LPCAT3: variants seen among roughly 807,000 people sequenced by gnomAD.
LPCAT3 encodes lysophosphatidylcholine acyltransferase 3.
Under a neutral mutation model 63.4 loss-of-function variants are expected in LPCAT3, and 21 were observed. That is an observed-to-expected ratio of 0.33 (90% CI 0.23 to 0.48). The LOEUF (loss-of-function observed/expected upper bound fraction) is 0.48. Ranked by LOEUF, LPCAT3 falls within the 20% of genes least tolerant of loss-of-function variation. The probability of loss-of-function intolerance (pLI) is 0.99; values close to 1 mark genes in which losing one functional copy is unlikely to be tolerated. For missense variants in LPCAT3, 451 were observed against 590.6 expected, an observed-to-expected ratio of 0.76 and a Z score of 2.45; for synonymous variants, 242 against 227.5, an observed-to-expected ratio of 1.06 and a Z score of -0.58.
intron 1 of LPCAT3, among the ~76,000 whole-genome samples, chr12:6,985,994 C>T (rs1171976509): frequency 2.0e-5 from 3 of 152,038 alleles, no homozygotes; most frequent in Non-Finnish European, 2.9e-5. Context: ...AGGCTGGTCT[C>T]GAACTCCTGA....
At chr12:7,002,306 A>G (rs1341405511) in intron 1 of LPCAT3, among the ~76,000 whole-genome samples, 1 of 152,204 alleles carries the variant, frequency 6.6e-6, no homozygotes, top group Non-Finnish European at 1.5e-5. Context: ...TCCAACCAGT[A>G]TGTGGTAACC....
intron 7 of LPCAT3, 172 bp downstream of exon 7, chr12:6,979,299 G>A: frequency 4.8e-6 from 3 of 620,604 alleles, no homozygotes; most frequent in Non-Finnish European, 8.6e-6. Flanking sequence ...TTCAGTGCTG[G>A]CTGATGAACA....
At chr12:7,007,414 G>A (rs143743046) in intron 1 of LPCAT3, among the ~76,000 whole-genome samples, 30 of 151,556 alleles carry the variant, frequency 2.0e-4, no homozygotes, top group Non-Finnish European at 2.8e-4. Context: ...AAGCAGATAT[G>A]ACCGTGTACA....
intron 1 of LPCAT3, among the ~76,000 whole-genome samples, chr12:7,013,819 G>A (rs145521880): frequency 2.9e-4 from 44 of 152,252 alleles, no homozygotes; most frequent in Non-Finnish European, 3.5e-4. Flanking sequence ...AATCACCCCA[G>A]GCTGTATTAT....
At position 6,983,552 on chromosome 12, in the gene LPCAT3, A is replaced by G; in HGVS notation, c.152-13T>C. On this transcript the variant is annotated splice_polypyrimidine_tract_variant and intron_variant, in intron 1 of 12. Coordinates refer to ENST00000261407, the MANE Select transcript of LPCAT3 (RefSeq NM_005768.6). ...GCAAAGGGGTAACCTAGATGGGGGAAAAGATAAGAAGAGTGTTATTTGTGC... is the reference window on the plus strand; with the variant it reads ...GCAAAGGGGTAACCTAGATGGGGGAGAAGATAAGAAGAGTGTTATTTGTGC... 6.5e-7 allele frequency: 1 copy of G among 1,528,348 alleles called. No homozygotes were observed. Among genetic ancestry groups the G allele is most frequent in the Non-Finnish European group, 9.1e-7 (1 of 1,103,190 alleles). 94.7% of individuals were successfully genotyped at this position (1,528,348 alleles called of 1,614,324 possible). A position where few individuals can be genotyped will look rare whatever the true frequency, so the allele number is the denominator to read the frequency against.
intron 3 of LPCAT3, among the ~76,000 whole-genome samples, chr12:6,982,369 TG>T (rs1292486099): frequency 6.6e-6 from 1 of 152,154 alleles, no homozygotes; most frequent in Non-Finnish European, 1.5e-5. Flanking sequence ...CATTCTAAGT[TG>T]CTTTTCTGTC....
At chr12:6,990,920 A>C (rs2138342965) in intron 1 of LPCAT3, among the ~76,000 whole-genome samples, 1 of 151,098 alleles carries the variant, frequency 6.6e-6, no homozygotes, top group Middle Eastern at 3.4e-3. Context: ...CCAAATCAAA[A>C]AAAAAAAAAA....
rs1946543240 is a variant in LPCAT3 at position 6,987,802 on chromosome 12, CCA to C, written c.152-4265_152-4264del. The C allele has an allele frequency of 2.0e-5, 8 of 400,572 alleles. No homozygotes were observed. The South Asian group carries it at 8.8e-4, about 44-fold the overall frequency. The allele number at this position is 400,572 out of a possible 1,614,324, so 24.8% of individuals were successfully genotyped here. A position where few individuals can be genotyped will look rare whatever the true frequency, so the allele number is the denominator to read the frequency against. ...TCTAGGTGTCTGGATCGTATCTATT[CCA>C]GAGTAAAGTCATGATGGCTTTATGA... On this transcript the variant is annotated intron_variant, in intron 1 of 12. Transcript: ENST00000261407. This position sits in a 1 kb window ranked among gnomAD's most constrained non-coding sequence, Gnocchi z 4.1.
intron 1 of LPCAT3, among the ~76,000 whole-genome samples, chr12:6,989,044 A>G (rs1429418896): frequency 2.0e-5 from 3 of 150,696 alleles, no homozygotes; most frequent in Admixed American, 6.6e-5. Context: ...AATTGCTTGA[A>G]CCTGGGAGGT....
chr12:6,981,420 C>A (rs1946469881), intron 5 of LPCAT3, 175 bp downstream of exon 5: 2 of 750,876 alleles, frequency 2.7e-6, no homozygotes, highest in Admixed American at 2.3e-5. Context: ...AGAGCTGGAT[C>A]CTGGGCAAAT....
chr12:6,978,074 G>C (rs1055255470), intron 9 of LPCAT3: 4 of 564,630 alleles, frequency 7.1e-6, no homozygotes, highest in African/African-American at 3.8e-5. Flanking sequence ...TTGATAAACA[G>C]GGCAGTGGAG....
intron 1 of LPCAT3, among the ~76,000 whole-genome samples, chr12:6,999,604 C>T (rs1339839813): frequency 2.0e-5 from 3 of 152,262 alleles, no homozygotes; most frequent in South Asian, 2.1e-4. Context: ...GTGAAACCTG[C>T]TGCAATAACT....
At chr12:6,980,751 TG>T in intron 6 of LPCAT3, 1 of 331,788 alleles carries the variant, frequency 3.0e-6, no homozygotes, top group Non-Finnish European at 5.4e-6. Context: ...GGCAGAAATG[TG>T]ACTGGTTCAG....
At chr12:7,014,892 CAAA>C (rs375839002) in intron 1 of LPCAT3, among the ~76,000 whole-genome samples, 5 of 57,598 alleles carry the variant, frequency 8.7e-5, no homozygotes, top group East Asian at 5.5e-4. Context: ...GACTCCGTCT[CAAA>C]AAAAAAAAAA....
At position 6,982,872 on chromosome 12, in the gene LPCAT3, G is replaced by A. The variant is rs782817482; in HGVS notation, c.260-90C>T. ...ACAACGTAATATATAAAGAAAAAAT[G>A]TTGGCATCAGGATCTTTTTTTTCAG... On this transcript the variant is annotated intron_variant, in intron 2 of 12. Coordinates refer to ENST00000261407, the MANE Select transcript of LPCAT3 (RefSeq NM_005768.6). The A allele has an allele frequency of 4.1e-5, 32 of 787,736 alleles. No homozygotes were observed. In the African/African-American group the frequency reaches 4.9e-4, roughly 12 times the overall value. 48.8% of individuals were successfully genotyped at this position (787,736 alleles called of 1,614,324 possible).
At chr12:6,999,728 C>T (rs7973057) in intron 1 of LPCAT3, among the ~76,000 whole-genome samples, 35 of 152,300 alleles carry the variant, frequency 2.3e-4, no homozygotes, top group African/African-American at 8.2e-4. Context: ...CACTTTAAGA[C>T]ATCTAAATGG....
At chr12:6,978,310 C>G in intron 9 of LPCAT3, 31 bp downstream of exon 9, 7 of 1,583,384 alleles carry the variant, frequency 4.4e-6, no homozygotes, top group Non-Finnish European at 6.0e-6. Context: ...AAGGAAGGAA[C>G]CAGGGTCCAG....
rs1555154419 is a variant in LPCAT3 at position 6,983,545 on chromosome 12, T to C, written c.152-6A>G. The C allele has an allele frequency of 6.4e-7, 1 of 1,560,234 alleles. No homozygotes were observed. Among genetic ancestry groups the C allele is most frequent in the African/African-American group, 1.4e-5 (1 of 73,614 alleles). ...AAACAAAGCAAAGGGGTAACCTAGATGGGGGAAAAGATAAGAAGAGTGTTA... is the reference window on the plus strand; with the variant it reads ...AAACAAAGCAAAGGGGTAACCTAGACGGGGGAAAAGATAAGAAGAGTGTTA... On this transcript the variant is annotated splice_region_variant and splice_polypyrimidine_tract_variant and intron_variant, in intron 1 of 12. Coordinates refer to ENST00000261407, the MANE Select transcript of LPCAT3 (RefSeq NM_005768.6).
At chr12:6,979,096 C>G (rs985049880) in intron 7 of LPCAT3, 8 of 299,068 alleles carry the variant, frequency 2.7e-5, no homozygotes, top group South Asian at 5.8e-5. Flanking sequence ...GCACTTCCCC[C>G]CTTCCCTTGG....
Sources: allele counts gnomAD v4.1 joint callset (sites outside exome capture counted in the v4.1 genomes callset), GRCh38; gene constraint gnomAD v4.1.1; non-coding constraint Gnocchi (gnomAD v3.1); transcripts MANE v1.5; gene names NCBI Gene and HGNC (gene_info 2026-07-23, HGNC 2026-07-21).